The following TTBK1 variants were observed in gnomAD, a reference collection of about 807,000 sequenced individuals.
The protein encoded by TTBK1 is tau tubulin kinase 1.
In TTBK1, 34 loss-of-function variants were observed where a neutral mutation model predicts 108.5. The observed-to-expected ratio is 0.31, with a 90% CI of 0.24 to 0.42. The LOEUF is 0.42. Among genes scored for constraint, TTBK1 ranks in the 10% least tolerant of loss-of-function variants. The pLI is 1.00. For synonymous variants in TTBK1, 809 were observed against 795.1 expected (o/e 1.02, Z -0.29); for missense variants, 1,539 against 1,826.0 (o/e 0.84, Z 2.86).
At chr6:43,251,634 A>G (rs57691532) in intron 2 of TTBK1, among the ~76,000 whole-genome samples, 3,792 of 152,220 alleles carry the variant, frequency 0.025, 154 homozygotes, top group African/African-American at 0.085. Context: ...GCTCCCTGCC[A>G]GCTCTTCCTT....
chr6:43,264,109 C>T (rs550882181), intron 13 of TTBK1, among the ~76,000 whole-genome samples: 35 of 152,288 alleles, frequency 2.3e-4, no homozygotes, highest in African/African-American at 7.5e-4. Context: ...CTGACCAGTG[C>T]GGTGGCTCAG....
At chr6:43,244,447 T>C (rs753625017) in intron 1 of TTBK1, among the ~76,000 whole-genome samples, 4 of 152,172 alleles carry the variant, frequency 2.6e-5, no homozygotes, top group Non-Finnish European at 4.4e-5. Flanking sequence ...CTCTGACAGA[T>C]ATTCATACAA....
In TTBK1 at chr6:43,246,677, C is replaced by T. The variant is rs540924103; in HGVS notation, c.17C>T (p.Ala6Val). The change falls in exon 2 of 15, where the codon GCC becomes GTC. Residue 6 changes from alanine (A) to valine (V), a missense_variant. Ala to Val is a moderately conservative substitution (Grantham distance 64). This residue lies in a region of TTBK1 where 45 missense variants were observed against 38.0 expected (regional missense o/e 1.19). Transcript: ENST00000259750. ...GGCTGGCGGATGCAGTGCCTAGCGG[C>T]CGCCCTTAAGGACGAAACCAACATG... is the stretch of plus-strand genomic sequence containing the variant. MQCLA[A>V]ALKDETNMSG... The T allele has an allele frequency of 1.9e-6, 3 of 1,608,148 alleles. No homozygotes were observed. Among genetic ancestry groups the T allele is most frequent in the Admixed American group, 1.7e-5 (1 of 59,398 alleles).
intron 10 of TTBK1, among the ~76,000 whole-genome samples, chr6:43,258,739 C>G (rs1427362949): frequency 6.6e-6 from 1 of 152,180 alleles, no homozygotes; most frequent in Non-Finnish European, 1.5e-5. Flanking sequence ...CTAAAGGAAG[C>G]CAGACAGTGA....
Position 43,265,157 on chromosome 6 carries a change from T to G in TTBK1, c.1986+1807T>G, listed in dbSNP as rs939075718. On this transcript the variant is annotated intron_variant, in intron 13 of 14. Transcript: ENST00000259750. The surrounding 1 kb of genome is among the most constrained non-coding windows in gnomAD (Gnocchi z 4.1). Reference sequence around the variant, plus strand: ...TCATGGAGGGGATGCCGGAAGGGGCTCAGGGGCTGTGCCGCGTTCCACATA... The same window carrying G: ...TCATGGAGGGGATGCCGGAAGGGGCGCAGGGGCTGTGCCGCGTTCCACATA... 2.0e-5 allele frequency among the ~76,000 whole-genome samples: 3 copies of G among 152,058 alleles called. No individual in the cohort carries two copies. Among genetic ancestry groups the G allele is most frequent in the Non-Finnish European group, 4.4e-5 (3 of 68,014 alleles).
rs1777895039 is a variant in TTBK1 at position 43,273,900 on chromosome 6, G to A, written c.1987-8827G>A. On this transcript the variant is annotated intron_variant, in intron 13 of 14. Transcript: ENST00000259750. This position sits in a 1 kb window ranked among gnomAD's most constrained non-coding sequence, Gnocchi z 4.2. The stretch of plus-strand genomic sequence containing the variant: ...GACTTCCTGCACCACCCTCTGTCCA[G>A]GGCTGCAGCACTCAAAGGCGACAGT... Among the ~76,000 whole-genome samples the A allele has an allele frequency of 6.6e-6, 1 of 152,326 alleles. No individual in the cohort carries two copies. The highest frequency in any genetic ancestry group is 6.5e-5 in the Admixed American group (1 of 15,304).
Position 43,269,990 on chromosome 6 carries a change from G to C in TTBK1, c.1986+6640G>C, listed in dbSNP as rs1046398117. ...CCTCCTGGAGGGGGCAGGTGGGGGG[G>C]GGTGGGGAGCAGGCAGAGGACCATG... On this transcript the variant is annotated intron_variant, in intron 13 of 14. Transcript: ENST00000259750. The surrounding 1 kb of genome is among the most constrained non-coding windows in gnomAD (Gnocchi z 4.8). The C allele has an allele frequency of 2.2e-5, 32 of 1,429,418 alleles. No homozygotes were observed. In the Admixed American group the frequency reaches 2.6e-4, roughly 12 times the overall value. 88.5% of individuals were successfully genotyped at this position (1,429,418 alleles called of 1,614,324 possible). A position where few individuals can be genotyped will look rare whatever the true frequency, so the allele number is the denominator to read the frequency against.
chr6:43,269,963 C>G lies in TTBK1; in HGVS notation c.1986+6613C>G, dbSNP rs766310164. 63 of 1,435,092 alleles carry G rather than the reference C, an allele frequency of 4.4e-5. No individual in the cohort carries two copies. Among genetic ancestry groups the G allele is most frequent in the South Asian group, 2.1e-4 (14 of 68,064 alleles). The allele number at this position is 1,435,092 out of a possible 1,614,324, so 88.9% of individuals were successfully genotyped here. A position where few individuals can be genotyped will look rare whatever the true frequency, so the allele number is the denominator to read the frequency against. The stretch of plus-strand genomic sequence containing the variant: ...CCCACAAGACCTAGGCTGGGCCCCC[C>G]CCCTCCTGGAGGGGGCAGGTGGGGG... On this transcript the variant is annotated intron_variant, in intron 13 of 14. Coordinates refer to ENST00000259750, the MANE Select transcript of TTBK1 (RefSeq NM_032538.3). This position sits in a 1 kb window ranked among gnomAD's most constrained non-coding sequence, Gnocchi z 4.8.
chr6:43,275,934 G>C (rs981630831), intron 13 of TTBK1, among the ~76,000 whole-genome samples: 3 of 152,136 alleles, frequency 2.0e-5, no homozygotes, highest in Non-Finnish European at 4.4e-5. Flanking sequence ...TCTCAGTGTC[G>C]AGCGAGGAGA....
chr6:43,263,071 G>C lies in TTBK1; in HGVS notation c.1707G>C (p.Glu569Asp). 3 of 1,575,834 alleles carry C rather than the reference G, an allele frequency of 1.9e-6. No individual in the cohort carries two copies. Among genetic ancestry groups the C allele is most frequent in the Non-Finnish European group, 2.6e-6 (3 of 1,160,890 alleles). ...CCAGCACATCGGGCACCACGGATGAGGAGCCCGAGGAGCTGCGGCCACTGC... is the reference window on the plus strand; with the variant it reads ...CCAGCACATCGGGCACCACGGATGACGAGCCCGAGGAGCTGCGGCCACTGC... ...AEPSTSGTTD[E>D]EPEELRPLPE... Residue 569 changes from glutamate (E) to aspartate (D), a missense_variant, in exon 13 of 15, where the codon GAG becomes GAC. Physicochemically the swap from Glu to Asp is conservative, Grantham distance 45. Around this residue, in one of 5 missense-constraint regions of TTBK1, gnomAD observed 1,055 missense variants for 1,086.5 expected, o/e 0.97. Transcript: ENST00000259750. The surrounding 1 kb of genome is among the most constrained non-coding windows in gnomAD (Gnocchi z 4.7).
chr6:43,270,822 G>A (rs1338190512), intron 13 of TTBK1: 2 of 985,470 alleles, frequency 2.0e-6, no homozygotes, highest in African/African-American at 1.7e-5. Context: ...TAAGGATGAC[G>A]TGAGAAACCA....
intron 1 of TTBK1, among the ~76,000 whole-genome samples, chr6:43,244,363 G>A (rs1777034581): frequency 6.6e-6 from 1 of 152,160 alleles, no homozygotes; most frequent in African/African-American, 2.4e-5. Context: ...TGTATTCACA[G>A]GCCATGATGA....
chr6:43,271,030 G>C (rs1777820761), intron 13 of TTBK1: 6 of 985,470 alleles, frequency 6.1e-6, no homozygotes, highest in Non-Finnish European at 7.2e-6. Context: ...ATGCCAGCTT[G>C]CGCCTGCCTC....
In TTBK1 at chr6:43,276,496, G is replaced by A. The variant is rs1246251250; in HGVS notation, c.1987-6231G>A. On this transcript the variant is annotated intron_variant, in intron 13 of 14. Transcript: ENST00000259750. The surrounding 1 kb of genome is among the most constrained non-coding windows in gnomAD (Gnocchi z 5.4). ...GGCGCCGCCACGGGGGTGGGACACG[G>A]ACACGCACCCACGCGCACACGGCCG... 6.6e-6 allele frequency among the ~76,000 whole-genome samples: 1 copy of A among 152,176 alleles called. No homozygotes were observed. Among genetic ancestry groups the A allele is most frequent in the Non-Finnish European group, 1.5e-5 (1 of 68,018 alleles).
rs1299434133 is a variant in TTBK1, at chr6:43,255,174, G to A, written c.642+60G>A. 1.9e-5 allele frequency: 22 copies of A among 1,145,946 alleles called. No individual in the cohort carries two copies. In the Admixed American group the frequency reaches 3.1e-4, roughly 16 times the overall value. 71.0% of individuals were successfully genotyped at this position (1,145,946 alleles called of 1,614,324 possible). ...GTGGGAGGGGCAAGGTCGGGGTGCAGTGTGCTGCTGGGGAGGGGTGGGGAG... is the reference window on the plus strand; with the variant it reads ...GTGGGAGGGGCAAGGTCGGGGTGCAATGTGCTGCTGGGGAGGGGTGGGGAG... On this transcript the variant is annotated intron_variant, in intron 7 of 14. Coordinates refer to ENST00000259750, the MANE Select transcript of TTBK1 (RefSeq NM_032538.3).
intron 12 of TTBK1, among the ~76,000 whole-genome samples, chr6:43,261,981 G>T (rs907574300): frequency 2.0e-5 from 3 of 152,148 alleles, no homozygotes; most frequent in African/African-American, 7.2e-5. Flanking sequence ...GAGAGAGATA[G>T]AACGCACTAA....
chr6:43,267,339 GA>G (rs1304585954), intron 13 of TTBK1, among the ~76,000 whole-genome samples: 2 of 152,118 alleles, frequency 1.3e-5, no homozygotes, highest in African/African-American at 4.8e-5. Flanking sequence ...CTGCTTCCTA[GA>G]ATCACAGTTT....
intron 13 of TTBK1, chr6:43,270,262 G>T: frequency 8.6e-7 from 1 of 1,157,458 alleles, no homozygotes; most frequent in Non-Finnish European, 1.1e-6. Flanking sequence ...TGGGTCCAGA[G>T]TCCAGTGGAA....
chr6:43,250,587 GGCCTCAGGTGATCCACCCACTTCA>G (rs567236080), intron 2 of TTBK1, among the ~76,000 whole-genome samples: 57 of 152,162 alleles, frequency 3.7e-4, no homozygotes, highest in Admixed American at 2.9e-3. Context: ...TCAAACTCCT[GGCCTCAGGTGATCCACCCACTTCA>G]GCCTCCCAAA....
Sources: gnomAD v4.1 joint callset for allele counts (sites outside exome capture counted in the v4.1 genomes callset) on GRCh38, gnomAD v4.1.1 for gene constraint, gnomAD v4.1.1 regional missense constraint, Gnocchi (gnomAD v3.1) non-coding constraint, MANE v1.5 for transcripts, NCBI Gene and HGNC (gene_info 2026-07-23, HGNC 2026-07-21) for gene names.